Variants in PRUNE2 observed in about 807,000 individuals in gnomAD.
PRUNE2 encodes protein prune homolog 2.
Under a neutral mutation model 252.0 loss-of-function variants are expected in PRUNE2, and 164 were observed. The observed-to-expected ratio is 0.65, with a 90% CI of 0.57 to 0.74. The LOEUF is 0.74. Ranked by LOEUF, PRUNE2 falls within the 30% of genes least tolerant of loss-of-function variation. The probability of loss-of-function intolerance (pLI) is 0.00; values close to 1 mark genes in which losing one functional copy is unlikely to be tolerated. For missense variants in PRUNE2, 3,495 were observed against 3,711.0 expected, an observed-to-expected ratio of 0.94 and a Z score of 1.51; for synonymous variants, 1,292 against 1,350.2, an observed-to-expected ratio of 0.96 and a Z score of 0.94.
intron 6 of PRUNE2, among the ~76,000 whole-genome samples, chr9:76,768,337 C>T (rs1223520693): frequency 6.6e-6 from 1 of 152,136 alleles, no homozygotes; most frequent in Non-Finnish European, 1.5e-5. Flanking sequence ...GGATTACAGG[C>T]CTGCGCCACT....
chr9:76,892,065 C>CCA (rs1458437323), intron 1 of PRUNE2, among the ~76,000 whole-genome samples: 1 of 151,660 alleles, frequency 6.6e-6, no homozygotes, highest in African/African-American at 2.4e-5. Context: ...AGAAAGTAGC[C>CCA]CCCCCAGCCA....
rs1174879969 is a variant in PRUNE2, at chr9:76,619,249, G to GT, written c.9236+90dup. The GT allele has an allele frequency of 4.7e-6, 4 of 842,218 alleles. No individual in the cohort carries two copies. The African/African-American group carries it at 6.7e-5, about 14-fold the overall frequency. The allele number at this position is 842,218 out of a possible 1,614,324, so 52.2% of individuals were successfully genotyped here. A position where few individuals can be genotyped will look rare whatever the true frequency, so the allele number is the denominator to read the frequency against. On this transcript the variant is annotated intron_variant, in intron 18 of 18. Coordinates refer to ENST00000376718, the MANE Select transcript of PRUNE2 (RefSeq NM_015225.3). Reference sequence around the variant, plus strand: ...CAGGAAAGCTGAACATCTAAACAGGGTTTACCCAGTCCTCAGTGTGTTTTC... The same window carrying GT: ...CAGGAAAGCTGAACATCTAAACAGGGTTTTACCCAGTCCTCAGTGTGTTTTC...
intron 6 of PRUNE2, among the ~76,000 whole-genome samples, chr9:76,817,134 G>A (rs375451928): frequency 3.3e-5 from 5 of 152,086 alleles, no homozygotes; most frequent in African/African-American, 1.2e-4. Flanking sequence ...ACCAAGGATT[G>A]CTTAAGGATG....
At chr9:76,884,235 A>G (rs1474513092) in intron 1 of PRUNE2, among the ~76,000 whole-genome samples, 4 of 152,202 alleles carry the variant, frequency 2.6e-5, no homozygotes, top group Non-Finnish European at 4.4e-5. Context: ...TGCAACCCAA[A>G]TAACCCCACC....
chr9:76,717,037 A>G, intron 6 of PRUNE2, among the ~76,000 whole-genome samples: 1 of 152,338 alleles, frequency 6.6e-6, no homozygotes, highest in East Asian at 1.9e-4. Flanking sequence ...CATGTCCCTC[A>G]AGTGCTCTAG....
At chr9:76,794,734 A>G (rs368990591) in intron 6 of PRUNE2, among the ~76,000 whole-genome samples, 1 of 152,128 alleles carries the variant, frequency 6.6e-6, no homozygotes, top group African/African-American at 2.4e-5. Context: ...TCCGACCTCG[A>G]GCAAAGTTAC....
At chr9:76,702,246 C>T (rs1008780595) in intron 9 of PRUNE2, among the ~76,000 whole-genome samples, 4 of 151,888 alleles carry the variant, frequency 2.6e-5, no homozygotes, top group South Asian at 2.1e-4. Flanking sequence ...TTAGTAGAGA[C>T]GGGGTTTCAC....
At chr9:76,848,122 G>C (rs1398965075) in intron 3 of PRUNE2, among the ~76,000 whole-genome samples, 2 of 152,156 alleles carry the variant, frequency 1.3e-5, no homozygotes, top group African/African-American at 2.4e-5. Flanking sequence ...AAATTAGCTG[G>C]GTGTGGTGGC....
chr9:76,658,007 T>G (rs1849872652), intron 9 of PRUNE2, among the ~76,000 whole-genome samples: 1 of 152,156 alleles, frequency 6.6e-6, no homozygotes, highest in African/African-American at 2.4e-5. Flanking sequence ...AGAAAAATGC[T>G]GAAGGCTGTG....
chr9:76,687,942 G>A (rs141439608), intron 9 of PRUNE2, among the ~76,000 whole-genome samples: 6 of 152,290 alleles, frequency 3.9e-5, no homozygotes, highest in African/African-American at 7.2e-5. Flanking sequence ...TATCTGGCCC[G>A]TTAGTAAGCC....
At chr9:76,904,190 G>A (rs1476164564) in intron 1 of PRUNE2, among the ~76,000 whole-genome samples, 1 of 151,960 alleles carries the variant, frequency 6.6e-6, no homozygotes, top group Non-Finnish European at 1.5e-5. Context: ...GCTAAGACAT[G>A]AAACTGGTAA....
chr9:76,615,220 T>A (rs549927391), intron 18 of PRUNE2: 1 of 985,398 alleles, frequency 1.0e-6, no homozygotes, highest in Non-Finnish European at 1.2e-6. Flanking sequence ...TGCTTCTTAG[T>A]GAACACAGCA....
intron 16 of PRUNE2, among the ~76,000 whole-genome samples, chr9:76,628,161 GAC>G (rs1227185977): frequency 2.6e-5 from 4 of 152,036 alleles, no homozygotes; most frequent in African/African-American, 7.2e-5. Context: ...CAAAAAAAAA[GAC>G]ACACAGAAAA....
intron 15 of PRUNE2, among the ~76,000 whole-genome samples, chr9:76,629,790 C>T (rs1836688279): frequency 6.6e-6 from 1 of 152,184 alleles, no homozygotes; most frequent in South Asian, 2.1e-4. Flanking sequence ...CACCATTCCA[C>T]TCTCTACTTC....
At position 76,659,624 on chromosome 9, in the gene PRUNE2, G is replaced by A. The variant is rs142592500; in HGVS notation, c.8277-4122C>T. ...GGGACCAGAAGTATTTAAACCTTCCGACTTTTTTGGATTTTGGAATATTTG... is the reference window on the plus strand; with the variant it reads ...GGGACCAGAAGTATTTAAACCTTCCAACTTTTTTGGATTTTGGAATATTTG... On this transcript the variant is annotated intron_variant, in intron 9 of 18. Transcript: ENST00000376718. Among the ~76,000 whole-genome samples the A allele has an allele frequency of 8.6e-3, 1,310 of 152,136 alleles. 8 individuals carry two copies. Among genetic ancestry groups the A allele is most frequent in the Non-Finnish European group, 0.015 (1,027 of 67,990 alleles).
chr9:76,825,787 AGTAGGTATCCAGTGAATT>A (rs2058311723), intron 5 of PRUNE2, among the ~76,000 whole-genome samples: 1 of 152,238 alleles, frequency 6.6e-6, no homozygotes, highest in Admixed American at 6.5e-5. Context: ...ACCTGTATAC[AGTAGGTATCCAGTGAATT>A]ATAGCCTTTT....
chr9:76,759,521 A>G (rs2051487667), intron 6 of PRUNE2: 1 of 152,492 alleles, frequency 6.6e-6, no homozygotes, highest in Non-Finnish European at 1.5e-5. Flanking sequence ...GAAGAAAAGG[A>G]GTGTCTGAAC....
intron 6 of PRUNE2, among the ~76,000 whole-genome samples, chr9:76,797,259 T>A (rs60390325): frequency 6.6e-6 from 1 of 151,928 alleles, no homozygotes; most frequent in Non-Finnish European, 1.5e-5. Context: ...TGAAAAAAAA[T>A]ATTTCTATAG....
intron 12 of PRUNE2, among the ~76,000 whole-genome samples, chr9:76,644,339 A>G (rs1340415874): frequency 6.6e-6 from 1 of 152,142 alleles, no homozygotes; most frequent in Non-Finnish European, 1.5e-5. Flanking sequence ...TCAAAAGGCC[A>G]TTTTGTAATG....
Sources: allele counts gnomAD v4.1 joint callset (sites outside exome capture counted in the v4.1 genomes callset), GRCh38; gene constraint gnomAD v4.1.1; transcripts MANE v1.5; gene names NCBI Gene and HGNC (gene_info 2026-07-23, HGNC 2026-07-21).